The following ENO4 variants were observed in gnomAD, a reference collection of about 807,000 sequenced individuals.
The protein encoded by ENO4 is enolase 4.
A neutral mutation model predicts 63.2 loss-of-function variants in ENO4; 53 were observed. That is an observed-to-expected ratio of 0.84 (90% CI 0.67 to 1.05). The LOEUF (loss-of-function observed/expected upper bound fraction) is 1.05, where lower values mean the gene tolerates loss of function less well. ENO4 is among the 50% of genes least tolerant of loss of function. The pLI is 0.00. For synonymous variants in ENO4, 266 were observed against 283.8 expected (o/e 0.94, Z 0.63); for missense variants, 719 against 772.0 (o/e 0.93, Z 0.81).
At chr10:116,908,807 G>C (rs1302249755) in intron 10 of ENO4, among the ~76,000 whole-genome samples, 2 of 152,098 alleles carry the variant, frequency 1.3e-5, no homozygotes, top group African/African-American at 4.8e-5. Flanking sequence ...ACTGTAGTAA[G>C]CTACTCTCTC....
chr10:116,911,949 T>C (rs1044408435), downstream of ENO4: 13 of 779,198 alleles, frequency 1.7e-5, no homozygotes, highest in African/African-American at 1.9e-4. Context: ...TGGTAATATG[T>C]ATGACTATAT....
At chr10:116,910,050 C>T (rs761691805) in intron 10 of ENO4, among the ~76,000 whole-genome samples, 10 of 152,126 alleles carry the variant, frequency 6.6e-5, no homozygotes, top group Non-Finnish European at 1.5e-4. Context: ...CAGCAACAAG[C>T]ACCACTAAAG....
chr10:116,868,037 C>A (rs1846592325), intron 7 of ENO4, among the ~76,000 whole-genome samples: 1 of 152,160 alleles, frequency 6.6e-6, no homozygotes, highest in Non-Finnish European at 1.5e-5. Context: ...TAGATCCTTG[C>A]AATAATATGC....
chr10:116,876,635 G>C (rs1846839620), intron 11 of ENO4, among the ~76,000 whole-genome samples: 1 of 152,208 alleles, frequency 6.6e-6, no homozygotes, highest in African/African-American at 2.4e-5. Context: ...TTCTGAGCTT[G>C]GACTACAGAA....
At chr10:116,873,963 C>T in intron 9 of ENO4, 113 bp from the exon 10 acceptor site, 3 of 1,331,338 alleles carry the variant, frequency 2.3e-6, no homozygotes, top group Non-Finnish European at 3.0e-6. Context: ...CTGAAAAGAA[C>T]CTGTTTACAA....
In ENO4 at chr10:116,855,676, G is replaced by C. The variant is rs926831969; in HGVS notation, c.219G>C (p.Gly73=). ...CTCCCACCATATGCAAAATAGTGGG[G>C]AAAGACGTACTAGATGGACTGGGGC... is the stretch of plus-strand genomic sequence containing the variant. ...AKPPTICKIV[G]KDVLDGLGLP... is the part of the protein sequence containing the mutation. The change falls in exon 2 of 14, where the codon GGG becomes GGC. Residue 73 remains glycine, a synonymous_variant. Coordinates refer to ENST00000341276, the MANE Select transcript of ENO4 (RefSeq NM_001242699.2). The C allele has an allele frequency of 6.5e-7, 1 of 1,536,276 alleles. No homozygotes were observed. The highest frequency in any genetic ancestry group is 1.4e-5 in the African/African-American group (1 of 73,080).
intron 7 of ENO4, among the ~76,000 whole-genome samples, chr10:116,863,249 G>A (rs973966067): frequency 3.3e-5 from 5 of 152,082 alleles, no homozygotes; most frequent in African/African-American, 7.2e-5. Context: ...AGTCACAGAC[G>A]CAGGCGTATG....
At chr10:116,893,994 C>T (rs932817220) in intron 10 of ENO4, among the ~76,000 whole-genome samples, 6 of 152,178 alleles carry the variant, frequency 3.9e-5, no homozygotes, top group African/African-American at 1.4e-4. Context: ...ATTAGTTTCA[C>T]ATCAGAAATA....
chr10:116,891,033 C>T (rs1258623797), intron 10 of ENO4, among the ~76,000 whole-genome samples: 2 of 152,082 alleles, frequency 1.3e-5, no homozygotes, highest in African/African-American at 4.8e-5. Context: ...CCAAAAGAGC[C>T]CTAATAGACG....
At chr10:116,889,214 AG>A (rs1276385343) in intron 10 of ENO4, among the ~76,000 whole-genome samples, 1 of 152,182 alleles carries the variant, frequency 6.6e-6, no homozygotes, top group Non-Finnish European at 1.5e-5. Flanking sequence ...AAAAATTTCC[AG>A]GAAGTGCTCT....
intron 10 of ENO4, among the ~76,000 whole-genome samples, chr10:116,889,006 AT>A (rs1847251090): frequency 6.6e-6 from 1 of 152,214 alleles, no homozygotes; most frequent in Admixed American, 6.5e-5. Flanking sequence ...GCCCACTCTT[AT>A]GTAAGCCAGT....
At chr10:116,900,593 T>C in intron 10 of ENO4, 1 of 1,531,680 alleles carries the variant, frequency 6.5e-7, no homozygotes, top group Non-Finnish European at 8.7e-7. Flanking sequence ...GAAGCATTTA[T>C]CAGAAACTAA....
At chr10:116,867,256 G>A (rs1846571566) in intron 7 of ENO4, among the ~76,000 whole-genome samples, 1 of 152,102 alleles carries the variant, frequency 6.6e-6, no homozygotes, top group Admixed American at 6.6e-5. Flanking sequence ...CTCCTGAGTT[G>A]CCTAATTCTT....
At chr10:116,850,489 C>T (rs182673276) in intron 1 of ENO4, among the ~76,000 whole-genome samples, 32 of 152,174 alleles carry the variant, frequency 2.1e-4, no homozygotes, top group Middle Eastern at 6.8e-3. Flanking sequence ...AAGACGTTTT[C>T]TCCCTTCCAG....
rs1297104957 is a variant in ENO4 at position 116,876,060 on chromosome 10, C to A, written c.1342-5C>A. 1.2e-5 allele frequency: 19 copies of A among 1,525,234 alleles called. No homozygotes were observed. Among genetic ancestry groups the A allele is most frequent in the Non-Finnish European group, 1.7e-5 (19 of 1,136,718 alleles). 94.5% of individuals were successfully genotyped at this position (1,525,234 alleles called of 1,614,324 possible). A position where few individuals can be genotyped will look rare whatever the true frequency, so the allele number is the denominator to read the frequency against. On this transcript the variant is annotated splice_polypyrimidine_tract_variant and splice_region_variant and intron_variant, in intron 10 of 13. Transcript: ENST00000341276. ...ATAATGATCAACTCTTAAATATTTACCCAGGACTCTGAACAGTGGGACAGC... is the reference window on the plus strand; with the variant it reads ...ATAATGATCAACTCTTAAATATTTAACCAGGACTCTGAACAGTGGGACAGC...
chr10:116,884,525 T>G (rs182943317), downstream of ENO4: 747 of 325,164 alleles, frequency 2.3e-3, 8 homozygotes, highest in African/African-American at 0.015. Flanking sequence ...GGTATTTTGA[T>G]AACCATATTA....
At position 116,890,844 on chromosome 10, in the gene ENO4, T is replaced by A. The variant is rs1847322686; in HGVS notation, c.1194+10858T>A. On this transcript the variant is annotated intron_variant, in intron 10 of 10. Coordinates refer to the ENO4 transcript ENST00000369207. ...CAATGGCCATGCCAACGCTGAACTTTACAGGACTCAGTGATTTCTCAGACT... is the reference window on the plus strand; with the variant it reads ...CAATGGCCATGCCAACGCTGAACTTAACAGGACTCAGTGATTTCTCAGACT... Among the ~76,000 whole-genome samples the A allele has an allele frequency of 2.0e-5, 3 of 152,372 alleles. No individual in the cohort carries two copies. The South Asian group carries it at 6.2e-4, about 32-fold the overall frequency.
chr10:116,907,959 T>C (rs1057173938), intron 10 of ENO4: 1 of 505,944 alleles, frequency 2.0e-6, no homozygotes, highest in African/African-American at 1.9e-5. Context: ...AAAATGGTTG[T>C]TTTAGCCATT....
chr10:116,890,735 G>C (rs1157358154), intron 10 of ENO4, among the ~76,000 whole-genome samples: 1 of 152,214 alleles, frequency 6.6e-6, no homozygotes, highest in Admixed American at 6.5e-5. Context: ...CCAAACGTGG[G>C]GCCTGAGCAG....
Sources: allele counts gnomAD v4.1 joint callset (sites outside exome capture counted in the v4.1 genomes callset), GRCh38; gene constraint gnomAD v4.1.1; transcripts MANE v1.5; gene names NCBI Gene and HGNC (gene_info 2026-07-23, HGNC 2026-07-21).